SLC4A4: variants seen among roughly 807,000 people sequenced by gnomAD.
SLC4A4 encodes the protein solute carrier family 4 member 4.
Under a neutral mutation model 111.5 loss-of-function variants are expected in SLC4A4, and 27 were observed. That is an observed-to-expected ratio of 0.24 (90% CI 0.18 to 0.33). SLC4A4 has a LOEUF of 0.33. Among genes scored for constraint, SLC4A4 ranks in the 10% least tolerant of loss-of-function variants. The probability of loss-of-function intolerance (pLI) is 1.00; values close to 1 mark genes in which losing one functional copy is unlikely to be tolerated. For missense variants in SLC4A4, 909 were observed against 1,315.5 expected (o/e 0.69, Z 4.78); for synonymous variants, 443 against 463.4 (o/e 0.96, Z 0.57).
At chr4:71,198,081 T>C (rs776661334) in intron 1 of SLC4A4, among the ~76,000 whole-genome samples, 1 of 152,218 alleles carries the variant, frequency 6.6e-6, no homozygotes, top group Non-Finnish European at 1.5e-5. Flanking sequence ...TAAAAGTGAA[T>C]GAGAGTAGAA....
intron 1 of SLC4A4, among the ~76,000 whole-genome samples, chr4:71,205,066 C>T (rs974171568): frequency 8.5e-5 from 13 of 152,158 alleles, no homozygotes; most frequent in African/African-American, 2.9e-4. Flanking sequence ...TAGGTGGTGA[C>T]TGTCCTAGCA....
chr4:71,136,488 G>A (rs1743846919), intron 2 of SLC4A4, among the ~76,000 whole-genome samples: 1 of 152,180 alleles, frequency 6.6e-6, no homozygotes, highest in Non-Finnish European at 1.5e-5. Flanking sequence ...CCCATGTGGT[G>A]ATGTACAGCA....
At chr4:71,299,852 T>C (rs752243976) in intron 3 of SLC4A4, among the ~76,000 whole-genome samples, 1 of 152,158 alleles carries the variant, frequency 6.6e-6, no homozygotes, top group East Asian at 1.9e-4. Flanking sequence ...CCAGAGGGCG[T>C]TGGGGCAGTG....
intron 2 of SLC4A4, among the ~76,000 whole-genome samples, chr4:71,143,269 G>A (rs1170279109): frequency 6.6e-6 from 1 of 152,094 alleles, no homozygotes. Flanking sequence ...CCCTACAAAG[G>A]ACATGAACTC....
intron 2 of SLC4A4, among the ~76,000 whole-genome samples, chr4:71,181,646 G>T (rs901115277): frequency 2.0e-5 from 3 of 152,192 alleles, no homozygotes; most frequent in Non-Finnish European, 4.4e-5. Flanking sequence ...AAGAAGGAAT[G>T]CCATCAATCA....
At chr4:71,419,764 G>A (rs867976341) in intron 7 of SLC4A4, among the ~76,000 whole-genome samples, 37 of 152,338 alleles carry the variant, frequency 2.4e-4, no homozygotes, top group African/African-American at 8.9e-4. Flanking sequence ...AGATGGAAAT[G>A]CAGAAATCAC....
rs370551759 is a variant in SLC4A4 at position 71,504,418 on chromosome 4, TG to T, written c.2166+6727del. Among the ~76,000 whole-genome samples the T allele has an allele frequency of 3.8e-3, 585 of 152,122 alleles. 4 individuals are homozygous for T. Among genetic ancestry groups the T allele is most frequent in the African/African-American group, 0.013 (557 of 41,546 alleles). On this transcript the variant is annotated intron_variant, in intron 16 of 25. Transcript: ENST00000264485. The stretch of plus-strand genomic sequence containing the variant: ...CTAGTCTGTTCTTGATGCTATCAGT[TG>T]TTTTTTTTATTTCTTTCACTAAATT...
Position 71,497,681 on chromosome 4 carries a change from T to C in SLC4A4, c.2155T>C (p.Phe719Leu). ...ALKKFKTSPY[F>L]PTTARKLISD... ...GAAAAAATTCAAAACTAGTCCTTAT[T>C]TTCCAACCACAGTAAGTACCTGAAC... Residue 719 changes from phenylalanine to leucine, a missense_variant, in exon 16 of 26, where the codon TTT (phenylalanine) becomes CTT (leucine). Around this residue, in one of 7 missense-constraint regions of SLC4A4, gnomAD observed 264 missense variants for 356.8 expected, o/e 0.74. Coordinates refer to ENST00000264485, the MANE Select transcript of SLC4A4 (RefSeq NM_001098484.3). The C allele has an allele frequency of 6.2e-7, 1 of 1,612,412 alleles. No individual in the cohort carries two copies. The highest frequency in any genetic ancestry group is 1.1e-5 in the South Asian group (1 of 91,038).
chr4:71,408,927 C>T (rs1405535381), intron 7 of SLC4A4, among the ~76,000 whole-genome samples: 2 of 152,118 alleles, frequency 1.3e-5, no homozygotes, highest in Admixed American at 1.3e-4. Context: ...TCATGGGGGC[C>T]AGTTTTTCCT....
exon 2 of SLC4A4, among the ~76,000 whole-genome samples, chr4:71,092,751 C>T (rs560266357): frequency 1.4e-4 from 21 of 152,274 alleles, no homozygotes; most frequent in Admixed American, 2.6e-4. Flanking sequence ...TGTGTTGTAA[C>T]TTCTTCTGGC....
chr4:71,103,133 A>G (rs1742809119), intron 2 of SLC4A4, among the ~76,000 whole-genome samples: 1 of 151,936 alleles, frequency 6.6e-6, no homozygotes, highest in Non-Finnish European at 1.5e-5. Flanking sequence ...AGTTTCTGAT[A>G]AAACAGACTT....
intron 7 of SLC4A4, among the ~76,000 whole-genome samples, chr4:71,414,277 G>T (rs993506268): frequency 6.6e-6 from 1 of 152,226 alleles, no homozygotes; most frequent in African/African-American, 2.4e-5. Context: ...CTGCAGGTGA[G>T]GTTGAGAACA....
intron 6 of SLC4A4, among the ~76,000 whole-genome samples, chr4:71,364,559 G>A (rs116118059): frequency 0.041 from 6,244 of 152,240 alleles, 168 homozygotes; most frequent in Middle Eastern, 0.078. Context: ...TAGATGGTGC[G>A]TTCTATGGAT....
intron 7 of SLC4A4, among the ~76,000 whole-genome samples, chr4:71,426,418 G>T (rs72650350): frequency 0.024 from 3,728 of 152,182 alleles, 80 homozygotes; most frequent in Non-Finnish European, 0.034. Context: ...CAGATAAGCC[G>T]CCTACTTCCC....
chr4:71,258,354 A>G (rs1349154757), intron 3 of SLC4A4, among the ~76,000 whole-genome samples: 1 of 151,376 alleles, frequency 6.6e-6, no homozygotes, highest in African/African-American at 2.4e-5. Context: ...TTTCCTTACT[A>G]CTCTCTCTAG....
At chr4:71,328,258 G>A (rs1347201637) in intron 3 of SLC4A4, among the ~76,000 whole-genome samples, 1 of 151,900 alleles carries the variant, frequency 6.6e-6, no homozygotes, top group Non-Finnish European at 1.5e-5. Flanking sequence ...TCCAAATCTT[G>A]GCTAGTATGA....
chr4:71,307,266 G>C (rs965652563), intron 3 of SLC4A4, among the ~76,000 whole-genome samples: 2 of 151,972 alleles, frequency 1.3e-5, no homozygotes, highest in African/African-American at 4.8e-5. Context: ...CCTCACCCAG[G>C]GCATTGTATG....
At chr4:71,261,953 A>T (rs567326452) in intron 3 of SLC4A4, among the ~76,000 whole-genome samples, 140 of 152,170 alleles carry the variant, frequency 9.2e-4, no homozygotes, top group African/African-American at 3.3e-3. Flanking sequence ...AAATGGGGGG[A>T]AACCAGAATA....
intron 7 of SLC4A4, among the ~76,000 whole-genome samples, chr4:71,440,038 G>A (rs1724575065): frequency 6.6e-6 from 1 of 151,554 alleles, no homozygotes; most frequent in African/African-American, 2.4e-5. Context: ...CATTCTTTTG[G>A]CCTAGAATGT....
Sources: allele counts gnomAD v4.1 joint callset (sites outside exome capture counted in the v4.1 genomes callset), GRCh38; gene constraint gnomAD v4.1.1; regional missense constraint gnomAD v4.1.1; transcripts MANE v1.5; gene names NCBI Gene and HGNC (gene_info 2026-07-23, HGNC 2026-07-21).